Variants in FAAP20 observed in about 807,000 individuals in gnomAD.
The protein encoded by FAAP20 is FA core complex associated protein 20, also known as Fanconi anemia core complex-associated protein 20.
A neutral mutation model predicts 16.2 loss-of-function variants in FAAP20; 12 were observed. The observed-to-expected ratio is 0.74, with a 90% CI of 0.48 to 1.20. The LOEUF (loss-of-function observed/expected upper bound fraction) is 1.20, where lower values mean the gene tolerates loss of function less well. Ranked by LOEUF, FAAP20 falls within the 50% of genes most tolerant of loss-of-function variation. The probability of loss-of-function intolerance (pLI) is 0.00; values close to 1 mark genes in which losing one functional copy is unlikely to be tolerated. For missense variants in FAAP20, 288 were observed against 245.8 expected (o/e 1.17, Z -1.15); for synonymous variants, 141 against 110.7 (o/e 1.27, Z -1.72).
chr1:2,205,433 C>T (rs1689222998), intron 3 of FAAP20, among the ~76,000 whole-genome samples: 1 of 150,914 alleles, frequency 6.6e-6, no homozygotes, highest in African/African-American at 2.4e-5. Flanking sequence ...CCAGCCACCT[C>T]GCCGCTTCAA....
rs1016920362 is a variant in FAAP20, at chr1:2,189,735, C to T, written c.517G>A (p.Glu173Lys). ...CACCACGTCACGTCTTCTGTGCTTT[C>T]GGCCAAGCACTGGGCCAGGTGGCTG... Reference protein sequence around the residue: ...VDSHLAQCLAESTEDVTW With the variant: ...VDSHLAQCLAKSTEDVTW Residue 173 changes from glutamate to lysine, a missense_variant, in exon 4 of 4, where the codon GAA becomes AAA. Glu to Lys is a moderately conservative substitution (Grantham distance 56). Coordinates refer to ENST00000378546, the MANE Select transcript of FAAP20 (RefSeq NM_182533.4). The T allele has an allele frequency of 1.2e-6, 2 of 1,611,532 alleles. No homozygotes were observed. Among genetic ancestry groups the T allele is most frequent in the Non-Finnish European group, 1.7e-6 (2 of 1,178,984 alleles).
chr1:2,210,947 CCCTAT>C (rs777745224), downstream of FAAP20, among the ~76,000 whole-genome samples: 290 of 152,348 alleles, frequency 1.9e-3, 1 homozygote, highest in Non-Finnish European at 3.6e-3. Flanking sequence ...CGACTGCTGC[CCCTAT>C]CCAGATGCCT....
chr1:2,203,320 C>T (rs901288697), upstream of FAAP20: 1 of 733,484 alleles, frequency 1.4e-6, no homozygotes, highest in Admixed American at 6.3e-5. Flanking sequence ...TTCTTCCCCC[C>T]AGGCTTCTCC....
chr1:2,189,018 A>G (rs531558146), downstream of FAAP20, among the ~76,000 whole-genome samples: 1,228 of 141,552 alleles, frequency 8.7e-3, 22 homozygotes, highest in African/African-American at 0.03. Context: ...AAAGAAAAAA[A>G]AAAAAAAAAA....
chr1:2,199,254 C>CAAG, upstream of FAAP20: 1 of 1,126,476 alleles, frequency 8.9e-7, no homozygotes, highest in African/African-American at 1.7e-5. The surrounding 1 kb of genome is among the most constrained non-coding windows in gnomAD (Gnocchi z 4.5). Context: ...CAAGCAGTAT[C>CAAG]CGGTTCACAC....
downstream of FAAP20, chr1:2,187,302 TC>T (rs1200504013): frequency 2.5e-6 from 1 of 406,422 alleles, no homozygotes; most frequent in Non-Finnish European, 4.9e-6. Context: ...TTTTTCTTTT[TC>T]TTTTTTTTTT....
intron 3 of FAAP20, chr1:2,193,161 G>T: frequency 2.6e-6 from 1 of 388,272 alleles, no homozygotes; most frequent in Middle Eastern, 9.7e-4. Flanking sequence ...TGGGCAGTTT[G>T]GGTTATCTTG....
chr1:2,199,902 AC>A lies in FAAP20; in HGVS notation n.5del, dbSNP rs1279393066. ...AGACCAGCCTGGCCAACATAGTGAA[AC>A]CCCGTCTCTACTAAAAAACACAAAA... On this transcript the variant is annotated non_coding_transcript_exon_variant, in exon 1 of 4. Transcript: ENST00000401813. The surrounding 1 kb of genome is among the most constrained non-coding windows in gnomAD (Gnocchi z 4.5). 2.0e-5 allele frequency: 3 copies of A among 152,964 alleles called. No homozygotes were observed. The highest frequency in any genetic ancestry group is 7.3e-5 in the African/African-American group (3 of 41,358). The allele number at this position is 152,964 out of a possible 1,614,324, so 9.5% of individuals were successfully genotyped here.
At chr1:2,193,502 G>T in intron 3 of FAAP20, 137 bp downstream of exon 3, 1 of 1,348,254 alleles carries the variant, frequency 7.4e-7, no homozygotes, top group Non-Finnish European at 1.0e-6. Flanking sequence ...CCAGGCCACA[G>T]CACTGGGCCA....
chr1:2,202,016 C>CA (rs759592309), upstream of FAAP20, among the ~76,000 whole-genome samples: 1,776 of 61,590 alleles, frequency 0.029, 12 homozygotes, highest in Middle Eastern at 0.035. Flanking sequence ...GACTCTGTCT[C>CA]AAAAAAAAAA....
Position 2,194,714 on chromosome 1 carries a change from G to C in FAAP20, c.36C>G (p.Ser12Arg). 8.4e-7 allele frequency: 1 copy of C among 1,186,922 alleles called. No homozygotes were observed. The highest frequency in any genetic ancestry group is 3.9e-5 in the South Asian group (1 of 25,444). The allele number at this position is 1,186,922 out of a possible 1,614,324, so 73.5% of individuals were successfully genotyped here. Residue 12 changes from serine to arginine, a missense_variant, in exon 1 of 4, where the codon AGC (serine) becomes AGG (arginine). Transcript: ENST00000378546. ...EAARRPRLGLSRRRPRPAGGP... is the reference protein window; with the variant it reads ...EAARRPRLGLRRRRPRPAGGP... ...CGCCCGCCGGGCGCGGCCTCCGGCGGCTCAACCCCAGCCGCGGCCTCCGCG... is the reference window on the plus strand; with the variant it reads ...CGCCCGCCGGGCGCGGCCTCCGGCGCCTCAACCCCAGCCGCGGCCTCCGCG...
At chr1:2,212,373 G>A (rs1000687465) in exon 2 of FAAP20, 1 of 152,846 alleles carries the variant, frequency 6.5e-6, no homozygotes. Flanking sequence ...CCAAGGGGCC[G>A]AGAGAAGGAA....
downstream of FAAP20, among the ~76,000 whole-genome samples, chr1:2,211,900 C>CTTTTTTTT (rs60874812): frequency 3.0e-5 from 3 of 98,990 alleles, no homozygotes; most frequent in Non-Finnish European, 5.5e-5. Flanking sequence ...CAAGCTGCTG[C>CTTTTTTTT]TTTTTTTTTT....
chr1:2,190,530 G>A (rs954240953), intron 3 of FAAP20: 3 of 414,456 alleles, frequency 7.2e-6, no homozygotes, highest in Non-Finnish European at 1.5e-5. Context: ...GGCTGGAAAT[G>A]ACCATCACCA....
upstream of FAAP20, chr1:2,198,038 GAC>G (rs1466282036): frequency 1.5e-6 from 2 of 1,291,334 alleles, no homozygotes; most frequent in African/African-American, 3.0e-5. Flanking sequence ...TTATCAGCAT[GAC>G]ACAGCGGTGC....
At chr1:2,185,975 G>A (rs1306275098), downstream of FAAP20, 1 of 359,342 alleles carries the variant, frequency 2.8e-6, no homozygotes, top group East Asian at 8.1e-5. Flanking sequence ...CTGCTCCCGG[G>A]AACACACCCG....
At chr1:2,188,045 T>C (rs1687772889), downstream of FAAP20, among the ~76,000 whole-genome samples, 1 of 152,218 alleles carries the variant, frequency 6.6e-6, no homozygotes, top group African/African-American at 2.4e-5. Context: ...TATGGCTCCG[T>C]GTTTTTTGCG....
chr1:2,186,974 A>G (rs1001399253), downstream of FAAP20: 2 of 288,070 alleles, frequency 6.9e-6, no homozygotes, highest in African/African-American at 4.5e-5. Context: ...AAAGTGAAGG[A>G]TGTATTGAAG....
chr1:2,193,832 C>T lies in FAAP20; in HGVS notation c.277G>A (p.Asp93Asn). ...KTFSWTPFPPDLWGPGRSYRL... is the reference protein window; with the variant it reads ...KTFSWTPFPPNLWGPGRSYRL... ...TAGGAACGGCCCGGGCCCCACAGGT[C>T]CGGCGGAAAGGGTGTCCAGGAAAAG... Residue 93 changes from aspartate to asparagine, a missense_variant, in exon 3 of 4, where the codon GAC becomes AAC. By Grantham distance (23) the Asp-to-Asn change is conservative. Coordinates refer to ENST00000378546, the MANE Select transcript of FAAP20 (RefSeq NM_182533.4). 1 of 1,611,456 alleles carries T rather than the reference C, an allele frequency of 6.2e-7. No homozygotes were observed. The highest frequency in any genetic ancestry group is 8.5e-7 in the Non-Finnish European group (1 of 1,179,550).
Sources: gnomAD v4.1 joint callset for allele counts (sites outside exome capture counted in the v4.1 genomes callset) on GRCh38, gnomAD v4.1.1 for gene constraint, Gnocchi (gnomAD v3.1) non-coding constraint, MANE v1.5 for transcripts, NCBI Gene and HGNC (gene_info 2026-07-23, HGNC 2026-07-21) for gene names.